Variants in ANK2 observed in about 807,000 individuals in gnomAD.
ANK2 encodes ankyrin 2.
ANK2 carries 83 observed loss-of-function variants against 360.5 expected under a neutral mutation model. That is an observed-to-expected ratio of 0.23 (90% CI 0.19 to 0.28). ANK2 has a LOEUF of 0.28. Ranked by LOEUF, ANK2 falls within the 10% of genes least tolerant of loss-of-function variation. The pLI, the probability that ANK2 is intolerant of heterozygous loss-of-function variation, is 1.00. For synonymous variants in ANK2, 1,740 were observed against 1,759.5 expected (o/e 0.99, Z 0.28); for missense variants, 4,201 against 4,795.7 (o/e 0.88, Z 3.66).
rs35329346 is a variant in ANK2 at position 113,077,437 on chromosome 4, TA to T, written c.84+27634del. ...AGTTTATGTGACTTTTATAATTAGGTAAAAAAAAATTTTAAGAAGTATAATT... is the reference window on the plus strand; with the variant it reads ...AGTTTATGTGACTTTTATAATTAGGTAAAAAAAATTTTAAGAAGTATAATT... On this transcript the variant is annotated intron_variant, in intron 1 of 45. Transcript: ENST00000357077. Among the ~76,000 whole-genome samples, 133 of 151,852 alleles carry T rather than the reference TA, an allele frequency of 8.8e-4. 2 individuals are homozygous for T. The East Asian group carries it at 0.02, about 22-fold the overall frequency.
intron 3 of ANK2, 31 bp from the exon 4 acceptor site, chr4:113,198,980 G>T (rs368259478): frequency 1.3e-6 from 2 of 1,566,308 alleles, no homozygotes; most frequent in South Asian, 1.1e-5. Flanking sequence ...CAGAAACCTT[G>T]AACATTTTCT....
At chr4:113,018,151 A>C (rs146497322) in intron 2 of ANK2, among the ~76,000 whole-genome samples, 1 of 152,364 alleles carries the variant, frequency 6.6e-6, no homozygotes, top group Non-Finnish European at 1.5e-5. Flanking sequence ...GTGTGTTTAA[A>C]CTGACAAACC....
At chr4:113,326,471 A>G (rs1256151816) in intron 26 of ANK2, among the ~76,000 whole-genome samples, 1 of 147,316 alleles carries the variant, frequency 6.8e-6, no homozygotes. Flanking sequence ...TAATTTGTTT[A>G]GAGTATTTTC....
chr4:112,798,141 C>T, the ANK2 span: 1 of 153,434 alleles, frequency 6.5e-6, no homozygotes, highest in Non-Finnish European at 1.5e-5. Context: ...TGTACTACTT[C>T]CACAGAATCT....
At chr4:113,089,738 C>T (rs1337250655) in intron 1 of ANK2, among the ~76,000 whole-genome samples, 8 of 152,082 alleles carry the variant, frequency 5.3e-5, no homozygotes, top group African/African-American at 1.4e-4. Flanking sequence ...GCAGGAGAAT[C>T]GCTTGAACCC....
chr4:113,033,520 A>G (rs2060885185), intron 2 of ANK2, among the ~76,000 whole-genome samples: 1 of 151,944 alleles, frequency 6.6e-6, no homozygotes. Context: ...AGTTAGTGTT[A>G]TTGTCACATG....
chr4:113,195,355 T>G (rs2098732681), intron 2 of ANK2, among the ~76,000 whole-genome samples: 1 of 152,072 alleles, frequency 6.6e-6, no homozygotes, highest in African/African-American at 2.4e-5. Context: ...TTTTACATTC[T>G]GAGTATGACT....
chr4:112,930,425 G>A (rs1345877742), intron 2 of ANK2, among the ~76,000 whole-genome samples: 1 of 151,560 alleles, frequency 6.6e-6, no homozygotes, highest in African/African-American at 2.4e-5. Flanking sequence ...CTCCAGCCTG[G>A]GCGACAGAGC....
At chr4:113,048,248 G>GTATATATATA (rs869196489), upstream of ANK2, among the ~76,000 whole-genome samples, 22 of 36,244 alleles carry the variant, frequency 6.1e-4, no homozygotes, top group East Asian at 9.7e-4. Flanking sequence ...CTACAAGTGT[G>GTATATATATA]TATATATATA....
intron 1 of ANK2, among the ~76,000 whole-genome samples, chr4:113,055,919 G>T (rs2069519864): frequency 6.6e-6 from 1 of 152,090 alleles, no homozygotes; most frequent in Non-Finnish European, 1.5e-5. Flanking sequence ...CTGCCATTTT[G>T]CGTCAGTTGA....
chr4:113,189,250 G>A (rs2098607668), intron 2 of ANK2, among the ~76,000 whole-genome samples: 1 of 152,044 alleles, frequency 6.6e-6, no homozygotes, highest in African/African-American at 2.4e-5. Flanking sequence ...AGAGTACCAG[G>A]GTGTTATTTA....
the ANK2 span, among the ~76,000 whole-genome samples, chr4:112,725,858 A>G: frequency 6.6e-6 from 1 of 152,160 alleles, no homozygotes; most frequent in South Asian, 2.1e-4. Flanking sequence ...TGGTAGCACA[A>G]CAGTGTAAAT....
At chr4:112,931,039 A>G (rs528685398) in intron 2 of ANK2, among the ~76,000 whole-genome samples, 34 of 152,324 alleles carry the variant, frequency 2.2e-4, no homozygotes, top group Admixed American at 2.0e-3. Context: ...TGGTCAGAAC[A>G]CAAGGTCATG....
chr4:113,008,910 G>T (rs150136902), intron 2 of ANK2, among the ~76,000 whole-genome samples: 51 of 152,200 alleles, frequency 3.4e-4, no homozygotes, highest in African/African-American at 1.2e-3. Context: ...AGCTAACAAA[G>T]AAAAGCAGGG....
intron 1 of ANK2, among the ~76,000 whole-genome samples, chr4:112,878,257 C>T (rs561949791): frequency 1.1e-3 from 166 of 152,062 alleles, no homozygotes; most frequent in African/African-American, 3.8e-3. Context: ...AAACCAAACT[C>T]ATTACCATCT....
chr4:113,098,261 C>A, intron 1 of ANK2, among the ~76,000 whole-genome samples: 1 of 151,534 alleles, frequency 6.6e-6, no homozygotes. Context: ...ATCAATGAAA[C>A]CAAAAGCTGA....
chr4:112,824,278 C>T (rs1004988115), intron 1 of ANK2, among the ~76,000 whole-genome samples: 17 of 152,080 alleles, frequency 1.1e-4, no homozygotes, highest in African/African-American at 4.1e-4. Context: ...CTCTTGGCTT[C>T]AAGCGATCTT....
intron 2 of ANK2, among the ~76,000 whole-genome samples, chr4:113,006,251 A>G (rs764433643): frequency 6.6e-6 from 1 of 152,198 alleles, no homozygotes; most frequent in Non-Finnish European, 1.5e-5. Flanking sequence ...CACATTCAAC[A>G]TATGTTACAA....
At chr4:112,888,776 T>G (rs1488761998) in intron 1 of ANK2, among the ~76,000 whole-genome samples, 1 of 152,162 alleles carries the variant, frequency 6.6e-6, no homozygotes, top group East Asian at 1.9e-4. Context: ...ATGACAAATG[T>G]TTTTGGTCCA....
Sources: allele counts gnomAD v4.1 joint callset (sites outside exome capture counted in the v4.1 genomes callset), GRCh38; gene constraint gnomAD v4.1.1; transcripts MANE v1.5; gene names NCBI Gene and HGNC (gene_info 2026-07-23, HGNC 2026-07-21).